RGS6: variants seen among roughly 807,000 people sequenced by gnomAD.
RGS6 encodes the protein regulator of G-protein signaling 6.
Under a neutral mutation model 78.5 loss-of-function variants are expected in RGS6, and 30 were observed. The observed-to-expected ratio is 0.38, with a 90% CI of 0.29 to 0.52. The LOEUF is 0.52. RGS6 is among the 20% of genes least tolerant of loss of function. RGS6 has a pLI of 0.85. For missense variants in RGS6, 495 were observed against 609.7 expected, an observed-to-expected ratio of 0.81 and a Z score of 1.98; for synonymous variants, 206 against 206.0, an observed-to-expected ratio of 1.00 and a Z score of 0.00.
At chr14:72,365,917 A>C (rs983939735) in intron 3 of RGS6, among the ~76,000 whole-genome samples, 1 of 152,064 alleles carries the variant, frequency 6.6e-6, no homozygotes, top group African/African-American at 2.4e-5. Context: ...TGAGGTTTTG[A>C]AGGGTTATTT....
At chr14:71,870,540 T>C in the RGS6 span, among the ~76,000 whole-genome samples, 1 of 152,208 alleles carries the variant, frequency 6.6e-6, no homozygotes, top group Non-Finnish European at 1.5e-5. Flanking sequence ...AGTGGGCTTG[T>C]GCCTGCTCTG....
chr14:72,554,464 C>T (rs1451236762), intron 17 of RGS6, among the ~76,000 whole-genome samples: 2 of 152,212 alleles, frequency 1.3e-5, no homozygotes, highest in East Asian at 3.8e-4. Context: ...AAAAAAGTAG[C>T]ATCAACTTGT....
At chr14:72,199,367 G>A (rs1407645210) in intron 2 of RGS6, among the ~76,000 whole-genome samples, 18 of 152,186 alleles carry the variant, frequency 1.2e-4, no homozygotes, top group African/African-American at 4.3e-4. Flanking sequence ...GTAAGCAAAA[G>A]CACTTTGCAT....
chr14:72,266,473 T>G (rs2059089203), intron 2 of RGS6, among the ~76,000 whole-genome samples: 1 of 152,190 alleles, frequency 6.6e-6, no homozygotes, highest in Admixed American at 6.5e-5. Context: ...CAACAAAGTC[T>G]GCCACCACTA....
chr14:72,185,827 C>T (rs1264695935), intron 2 of RGS6, among the ~76,000 whole-genome samples: 1 of 152,158 alleles, frequency 6.6e-6, no homozygotes, highest in Non-Finnish European at 1.5e-5. Context: ...TTTATGTAAT[C>T]CCAGCTACTC....
intron 2 of RGS6, among the ~76,000 whole-genome samples, chr14:72,238,443 A>G (rs900912490): frequency 6.6e-6 from 1 of 152,152 alleles, no homozygotes; most frequent in African/African-American, 2.4e-5. Flanking sequence ...GTCAGTGCCA[A>G]ACCGAAGGTA....
chr14:72,477,126 T>G (rs560737544), intron 11 of RGS6: 10 of 366,168 alleles, frequency 2.7e-5, no homozygotes, highest in African/African-American at 1.9e-4. Flanking sequence ...CAGTCCGCTG[T>G]GGGAGCTGGA....
chr14:72,142,324 AG>A (rs1330303615), intron 2 of RGS6, among the ~76,000 whole-genome samples: 4 of 151,820 alleles, frequency 2.6e-5, no homozygotes, highest in Non-Finnish European at 5.9e-5. Context: ...AAAAAAAAAA[AG>A]AGAGGAGAGA....
chr14:71,910,149 C>T, the RGS6 span, among the ~76,000 whole-genome samples: 654 of 152,110 alleles, frequency 4.3e-3, 3 homozygotes, highest in African/African-American at 0.012. Context: ...AAGATTGTGC[C>T]GCTGCACTCC....
chr14:71,957,300 G>A (rs1245038745), intron 1 of RGS6, among the ~76,000 whole-genome samples: 1 of 152,178 alleles, frequency 6.6e-6, no homozygotes, highest in Non-Finnish European at 1.5e-5. Flanking sequence ...GAAAGTGGCA[G>A]AGCCAGATGG....
At chr14:72,262,269 C>T (rs553659188) in intron 2 of RGS6, among the ~76,000 whole-genome samples, 79 of 152,326 alleles carry the variant, frequency 5.2e-4, no homozygotes, top group Non-Finnish European at 8.5e-4. Flanking sequence ...GCAAGTACCA[C>T]AGACTGGGTG....
chr14:72,397,556 G>A (rs1482446200), intron 3 of RGS6, among the ~76,000 whole-genome samples: 4 of 152,080 alleles, frequency 2.6e-5, no homozygotes, highest in Middle Eastern at 3.4e-3. Flanking sequence ...TCTCCTGCCT[G>A]ATTGCCCTGG....
the RGS6 span, among the ~76,000 whole-genome samples, chr14:71,877,513 G>A: frequency 6.6e-6 from 1 of 152,136 alleles, no homozygotes; most frequent in Non-Finnish European, 1.5e-5. Flanking sequence ...TCGTGCCATG[G>A]TTTTCAGCTC....
the RGS6 span, among the ~76,000 whole-genome samples, chr14:72,628,678 G>GGA: frequency 4.0e-5 from 6 of 151,798 alleles, no homozygotes; most frequent in Non-Finnish European, 8.8e-5. Flanking sequence ...GTTGGTGAGA[G>GGA]GAGAGAGAGA....
At chr14:72,587,067 C>T in the RGS6 span, among the ~76,000 whole-genome samples, 19 of 152,152 alleles carry the variant, frequency 1.2e-4, 1 homozygote, top group African/African-American at 4.6e-4. Flanking sequence ...GCCATAACAG[C>T]CTTTTGTCTC....
At chr14:72,375,893 A>T (rs1427699374) in intron 3 of RGS6, among the ~76,000 whole-genome samples, 1 of 152,188 alleles carries the variant, frequency 6.6e-6, no homozygotes, top group African/African-American at 2.4e-5. Context: ...AACCTACTCC[A>T]TAAAATTGGA....
Position 72,474,686 on chromosome 14 carries a change from A to G in RGS6, c.680A>G (p.Gln227Arg), listed in dbSNP as rs557310943. ...AAATGTCGACGTTTGAAGAATCCAC[A>G]AAAGGTTAAAAAGGTTCGCTAGTTT... is the stretch of plus-strand genomic sequence containing the variant. ...IRKCRRLKNPQKVKKSVYGVT... is the reference protein window; with the variant it reads ...IRKCRRLKNPRKVKKSVYGVT... Residue 227 changes from glutamine to arginine, a missense_variant, in exon 10 of 18, where the codon CAA becomes CGA. Gln to Arg is a conservative substitution (Grantham distance 43). Transcript: ENST00000553525. 1.2e-6 allele frequency: 2 copies of G among 1,613,848 alleles called. No individual in the cohort carries two copies. The highest frequency in any genetic ancestry group is 1.1e-5 in the South Asian group (1 of 90,982).
intron 17 of RGS6, among the ~76,000 whole-genome samples, chr14:72,555,688 C>T (rs1294825224): frequency 6.6e-6 from 1 of 152,226 alleles, no homozygotes; most frequent in Non-Finnish European, 1.5e-5. Context: ...TAGCCATGCA[C>T]TCCCAGGCAA....
chr14:72,392,429 C>T (rs1037162526), intron 3 of RGS6, among the ~76,000 whole-genome samples: 1 of 152,064 alleles, frequency 6.6e-6, no homozygotes, highest in Non-Finnish European at 1.5e-5. Context: ...GTTATCGCTG[C>T]CTCTCTGGGT....
Sources: allele counts gnomAD v4.1 joint callset (sites outside exome capture counted in the v4.1 genomes callset), GRCh38; gene constraint gnomAD v4.1.1; transcripts MANE v1.5; gene names NCBI Gene and HGNC (gene_info 2026-07-23, HGNC 2026-07-21).